CDH13: variants seen among roughly 807,000 people sequenced by gnomAD.
The protein encoded by CDH13 is cadherin 13.
In CDH13, 24 loss-of-function variants were observed where a neutral mutation model predicts 63.8. The observed-to-expected ratio is 0.38, with a 90% CI of 0.27 to 0.53. The LOEUF (loss-of-function observed/expected upper bound fraction) is 0.53, where lower values mean the gene tolerates loss of function less well. Ranked by LOEUF, CDH13 falls within the 20% of genes least tolerant of loss-of-function variation. The pLI is 0.85. For missense variants in CDH13, 1,049 were observed against 903.1 expected (o/e 1.16, Z -2.07); for synonymous variants, 503 against 355.3 (o/e 1.42, Z -4.67).
intron 4 of CDH13, among the ~76,000 whole-genome samples, chr16:83,154,230 C>G (rs2037111764): frequency 6.6e-6 from 1 of 152,038 alleles, no homozygotes; most frequent in Non-Finnish European, 1.5e-5. Context: ...AGAGTTGAAA[C>G]TGATCTGCAA....
Position 83,060,470 on chromosome 16 carries a change from T to C in CDH13, c.366+28252T>C, listed in dbSNP as rs1050762990. Among the ~76,000 whole-genome samples, 3 of 152,200 alleles carry C rather than the reference T, an allele frequency of 2.0e-5. 1 individual carries two copies. The highest frequency in any genetic ancestry group is 6.3e-3 in the Middle Eastern group (2 of 316). On this transcript the variant is annotated intron_variant, in intron 3 of 13. Coordinates refer to ENST00000567109, the MANE Select transcript of CDH13 (RefSeq NM_001257.5). ...GTCTTCCTGATGTTTACTGAGCCCT[T>C]ACTCCAAACCAGGACTTAGGCTTGT...
chr16:83,370,365 G>A (rs1484286372), intron 6 of CDH13, among the ~76,000 whole-genome samples: 2 of 143,996 alleles, frequency 1.4e-5, no homozygotes, highest in East Asian at 2.3e-4. Context: ...TCCAGCCTGG[G>A]TAACACAGCG....
chr16:83,723,764 C>G (rs1331647077), intron 10 of CDH13, among the ~76,000 whole-genome samples: 1 of 152,136 alleles, frequency 6.6e-6, no homozygotes, highest in African/African-American at 2.4e-5. Flanking sequence ...ATGCCTTGTT[C>G]TCTTTCATAT....
intron 2 of CDH13, among the ~76,000 whole-genome samples, chr16:82,936,438 A>G (rs1854718203): frequency 6.6e-6 from 1 of 152,060 alleles, no homozygotes; most frequent in Admixed American, 6.6e-5. Context: ...TCTGAGGTAG[A>G]ACAGTTTCAA....
chr16:83,186,144 TATTTTATTTG>T (rs1452411216), intron 4 of CDH13, among the ~76,000 whole-genome samples: 1 of 128,010 alleles, frequency 7.8e-6, no homozygotes, highest in Non-Finnish European at 1.6e-5. Context: ...TATTTTATTT[TATTTTATTTG>T]AGACAGAATC....
At chr16:83,791,886 G>A (rs575377804) in intron 13 of CDH13, among the ~76,000 whole-genome samples, 155 of 150,636 alleles carry the variant, frequency 1.0e-3, no homozygotes, top group African/African-American at 3.6e-3. Context: ...ATTTTTCAAC[G>A]TATTGTTTGC....
At chr16:83,216,296 C>G (rs2039506441) in intron 4 of CDH13, among the ~76,000 whole-genome samples, 1 of 149,418 alleles carries the variant, frequency 6.7e-6, no homozygotes, top group South Asian at 2.1e-4. Flanking sequence ...CCATTTTTAT[C>G]TCTTTCATAG....
intron 4 of CDH13, among the ~76,000 whole-genome samples, chr16:83,202,140 C>T (rs1377275116): frequency 6.6e-6 from 1 of 152,072 alleles, no homozygotes; most frequent in Admixed American, 6.5e-5. Flanking sequence ...CTTCAAAGGT[C>T]CTCAGTCTCT....
chr16:83,142,039 T>G (rs1353943030), intron 4 of CDH13, among the ~76,000 whole-genome samples: 2 of 152,178 alleles, frequency 1.3e-5, no homozygotes, highest in Non-Finnish European at 2.9e-5. Flanking sequence ...GTTTCCCACC[T>G]GTGTATCCCA....
chr16:82,834,384 G>T (rs368318938), intron 1 of CDH13, among the ~76,000 whole-genome samples: 3 of 152,062 alleles, frequency 2.0e-5, no homozygotes, highest in Admixed American at 6.6e-5. Flanking sequence ...TTTATCTGTC[G>T]ATTCAAAGAG....
intron 7 of CDH13, among the ~76,000 whole-genome samples, chr16:83,503,097 T>C (rs1429310388): frequency 1.3e-5 from 2 of 152,234 alleles, no homozygotes; most frequent in Non-Finnish European, 1.5e-5. Flanking sequence ...CTGTACCTTG[T>C]AGGTGCTCAA....
chr16:82,675,081 A>G (rs774104289), intron 1 of CDH13, among the ~76,000 whole-genome samples: 12 of 151,248 alleles, frequency 7.9e-5, no homozygotes, highest in East Asian at 2.0e-4. Context: ...TGGCATAGTT[A>G]GGGAATGGAT....
At chr16:83,697,169 C>T (rs146225608) in intron 10 of CDH13, among the ~76,000 whole-genome samples, 116 of 152,256 alleles carry the variant, frequency 7.6e-4, no homozygotes, top group Middle Eastern at 6.8e-3. Flanking sequence ...ATACTCATGG[C>T]GCTTTCATGG....
At chr16:83,180,932 T>C (rs1160181908) in intron 4 of CDH13, 1 of 1,532,188 alleles carries the variant, frequency 6.5e-7, no homozygotes, top group East Asian at 2.4e-5. Context: ...CAGATTTAAA[T>C]CCATGCATTA....
intron 1 of CDH13, among the ~76,000 whole-genome samples, chr16:82,713,801 T>C (rs961798929): frequency 1.4e-5 from 2 of 144,500 alleles, no homozygotes; most frequent in Non-Finnish European, 3.0e-5. Context: ...GGCTTCTGTA[T>C]TTGTGAAAAA....
chr16:83,788,447 A>G (rs1255560330), intron 13 of CDH13, among the ~76,000 whole-genome samples: 1 of 144,840 alleles, frequency 6.9e-6, no homozygotes, highest in East Asian at 2.1e-4. Context: ...CCATATATTA[A>G]GTATTAGTAA....
chr16:83,684,530 T>G (rs929986538), intron 10 of CDH13, among the ~76,000 whole-genome samples: 4 of 152,238 alleles, frequency 2.6e-5, no homozygotes, highest in African/African-American at 9.6e-5. Flanking sequence ...TAAATCCTTC[T>G]GAATAGCTGG....
intron 13 of CDH13, among the ~76,000 whole-genome samples, chr16:83,794,395 A>G (rs962958215): frequency 1.3e-5 from 2 of 152,010 alleles, no homozygotes; most frequent in African/African-American, 4.8e-5. Flanking sequence ...TCTATAAAAA[A>G]TGCAAAAATT....
chr16:83,419,545 G>T (rs1173013125), intron 6 of CDH13, among the ~76,000 whole-genome samples: 3 of 152,102 alleles, frequency 2.0e-5, no homozygotes, highest in Non-Finnish European at 2.9e-5. Context: ...CAGAACAATT[G>T]CCATGCTCTA....
Sources: allele counts gnomAD v4.1 joint callset (sites outside exome capture counted in the v4.1 genomes callset), GRCh38; gene constraint gnomAD v4.1.1; transcripts MANE v1.5; gene names NCBI Gene and HGNC (gene_info 2026-07-23, HGNC 2026-07-21).